Variants in GREB1L observed in about 807,000 individuals in gnomAD.
The protein encoded by GREB1L is GREB1 like retinoic acid receptor coactivator.
Under a neutral mutation model 200.8 loss-of-function variants are expected in GREB1L, and 17 were observed. The ratio of observed to expected loss-of-function variants is 0.08; its 90% CI spans 0.06 to 0.13. The LOEUF is 0.13. Among genes scored for constraint, GREB1L ranks in the 10% least tolerant of loss-of-function variants. The probability of loss-of-function intolerance (pLI) is 1.00; values close to 1 mark genes in which losing one functional copy is unlikely to be tolerated. For missense variants in GREB1L, 1,657 were observed against 2,367.7 expected, an observed-to-expected ratio of 0.70 and a Z score of 6.23; for synonymous variants, 789 against 893.0, an observed-to-expected ratio of 0.88 and a Z score of 2.08.
chr18:21,327,969 C>G (rs1219301724), intron 1 of GREB1L, among the ~76,000 whole-genome samples: 1 of 152,192 alleles, frequency 6.6e-6, no homozygotes, highest in South Asian at 2.1e-4. Flanking sequence ...CCGCCTCAGC[C>G]TCCCAAAGTG....
At chr18:21,406,322 T>C (rs898717480) in intron 7 of GREB1L, among the ~76,000 whole-genome samples, 16 of 152,170 alleles carry the variant, frequency 1.1e-4, no homozygotes, top group African/African-American at 3.4e-4. Flanking sequence ...ACTGACTGAC[T>C]CACCGTGAAC....
At chr18:21,355,930 T>C (rs961758911) in intron 1 of GREB1L, among the ~76,000 whole-genome samples, 2 of 152,016 alleles carry the variant, frequency 1.3e-5, no homozygotes, top group African/African-American at 4.8e-5. Context: ...ATTAGAATTG[T>C]GTTGTTTCTA....
chr18:21,419,707 C>T (rs1054938029), intron 7 of GREB1L, among the ~76,000 whole-genome samples: 8 of 152,218 alleles, frequency 5.3e-5, no homozygotes, highest in Non-Finnish European at 1.2e-4. Context: ...CTTTGGCTTC[C>T]CAAAGTGCTG....
chr18:21,264,174 T>A (rs2037931371), intron 1 of GREB1L, among the ~76,000 whole-genome samples: 1 of 152,150 alleles, frequency 6.6e-6, no homozygotes, highest in African/African-American at 2.4e-5. Context: ...AGAAAAAAGC[T>A]TAATTGTTAG....
chr18:21,433,598 A>G (rs1341398502), intron 7 of GREB1L, among the ~76,000 whole-genome samples: 3 of 152,180 alleles, frequency 2.0e-5, no homozygotes, highest in Non-Finnish European at 4.4e-5. Context: ...CAGACCTTAA[A>G]TCACTCACAG....
In GREB1L at chr18:21,265,534, A is replaced by G. The variant is rs978847831; in HGVS notation, c.-120+23141A>G. ...ACAGGATGATTTGTCTTGATAGATTAGCACTCACCTATATTGAAATGCTGT... is the reference window on the plus strand; with the variant it reads ...ACAGGATGATTTGTCTTGATAGATTGGCACTCACCTATATTGAAATGCTGT... On this transcript the variant is annotated intron_variant, in intron 1 of 32. Transcript: ENST00000424526. Among the ~76,000 whole-genome samples, 92 of 152,154 alleles carry G rather than the reference A, an allele frequency of 6.0e-4. 1 individual carries two copies. Among genetic ancestry groups the G allele is most frequent in the African/African-American group, 2.1e-3 (86 of 41,436 alleles).
In GREB1L at chr18:21,490,310, A is replaced by G; in HGVS notation, c.2989A>G (p.Thr997Ala). 1 of 1,551,898 alleles carries G rather than the reference A, an allele frequency of 6.4e-7. No homozygotes were observed. Among genetic ancestry groups the G allele is most frequent in the Non-Finnish European group, 8.7e-7 (1 of 1,146,994 alleles). ...RFEIILGNPA[T>A]ELSVATHFVA... ...TGAGATCATCCTTGGGAACCCGGCC[A>G]CCGAACTCAGTGTTGCAACTCACTT... The change falls in exon 19 of 33, where the codon ACC becomes GCC. Residue 997 changes from threonine to alanine, a missense_variant. This residue lies in a region of GREB1L where 512 missense variants were observed against 668.3 expected (regional missense o/e 0.77). Coordinates refer to ENST00000424526, the MANE Select transcript of GREB1L (RefSeq NM_001142966.3).
At chr18:21,472,246 A>G (rs1030571817) in intron 15 of GREB1L, among the ~76,000 whole-genome samples, 3 of 152,240 alleles carry the variant, frequency 2.0e-5, no homozygotes, top group Admixed American at 2.0e-4. Context: ...AATTAAGTCA[A>G]TATAATTCAT....
chr18:21,463,796 G>C (rs140996271), intron 15 of GREB1L, among the ~76,000 whole-genome samples: 83 of 152,218 alleles, frequency 5.5e-4, no homozygotes, highest in African/African-American at 1.9e-3. Context: ...TCTCAAACTC[G>C]TATCTGTGAG....
chr18:21,460,403 T>TG (rs1434330642), intron 15 of GREB1L, among the ~76,000 whole-genome samples: 4 of 152,124 alleles, frequency 2.6e-5, no homozygotes, highest in African/African-American at 9.7e-5. Flanking sequence ...TGGAGTGCAA[T>TG]GGCACAGACT....
intron 23 of GREB1L, among the ~76,000 whole-genome samples, chr18:21,503,161 A>G (rs989630826): frequency 6.6e-6 from 1 of 151,972 alleles, no homozygotes; most frequent in African/African-American, 2.4e-5. Context: ...TCCCTTTGAA[A>G]GTTGTCTTAA....
At chr18:21,500,484 T>C in intron 22 of GREB1L, 56 bp from the exon 23 acceptor site, 1 of 1,292,736 alleles carries the variant, frequency 7.7e-7, no homozygotes, top group Non-Finnish European at 1.1e-6. Context: ...CTTTTCTCTT[T>C]TCTTCCCCTC....
chr18:21,344,798 A>C (rs1185155814), intron 1 of GREB1L, among the ~76,000 whole-genome samples: 1 of 152,214 alleles, frequency 6.6e-6, no homozygotes, highest in Non-Finnish European at 1.5e-5. Context: ...TAAGAAATGA[A>C]AGAAACTTAC....
intron 4 of GREB1L, among the ~76,000 whole-genome samples, chr18:21,391,435 C>T (rs907978456): frequency 6.4e-4 from 98 of 152,330 alleles, no homozygotes; most frequent in African/African-American, 2.2e-3. Context: ...ATGATGTTCA[C>T]ACAACAAAAT....
chr18:21,268,218 G>A (rs2038003849), intron 1 of GREB1L, among the ~76,000 whole-genome samples: 1 of 151,862 alleles, frequency 6.6e-6, no homozygotes, highest in Non-Finnish European at 1.5e-5. Context: ...TCCATAGAAG[G>A]CCTTTCATAT....
intron 21 of GREB1L, among the ~76,000 whole-genome samples, chr18:21,499,004 A>T (rs946281921): frequency 6.6e-6 from 1 of 152,208 alleles, no homozygotes; most frequent in Non-Finnish European, 1.5e-5. Context: ...AACACACTTG[A>T]AAGGAACTGG....
intron 1 of GREB1L, among the ~76,000 whole-genome samples, chr18:21,334,032 C>A (rs2039148017): frequency 6.6e-6 from 1 of 151,814 alleles, no homozygotes; most frequent in Admixed American, 6.6e-5. Flanking sequence ...ACTTTAGATA[C>A]TTCTTCCCTA....
intron 5 of GREB1L, among the ~76,000 whole-genome samples, chr18:21,397,883 G>GT (rs1431236820): frequency 3.9e-5 from 6 of 152,236 alleles, no homozygotes; most frequent in Non-Finnish European, 8.8e-5. Flanking sequence ...AGGCTCTTAC[G>GT]TAGGGACACA....
intron 7 of GREB1L, among the ~76,000 whole-genome samples, chr18:21,420,833 C>A (rs935289608): frequency 6.6e-6 from 1 of 152,140 alleles, no homozygotes; most frequent in African/African-American, 2.4e-5. Flanking sequence ...CACTTGTATA[C>A]AATTGTTGAT....
Sources: allele counts gnomAD v4.1 joint callset (sites outside exome capture counted in the v4.1 genomes callset), GRCh38; gene constraint gnomAD v4.1.1; regional missense constraint gnomAD v4.1.1; transcripts MANE v1.5; gene names NCBI Gene and HGNC (gene_info 2026-07-23, HGNC 2026-07-21).